Variants in MYO9B observed in about 807,000 individuals in gnomAD.
MYO9B encodes the protein unconventional myosin-IXb.
In MYO9B, 71 loss-of-function variants were observed where a neutral mutation model predicts 229.5. The ratio of observed to expected loss-of-function variants is 0.31; its 90% confidence interval spans 0.26 to 0.38. The LOEUF is 0.38. Ranked by LOEUF, MYO9B falls within the 10% of genes least tolerant of loss-of-function variation. The probability of loss-of-function intolerance (pLI) is 1.00; values close to 1 mark genes in which losing one functional copy is unlikely to be tolerated. For missense variants in MYO9B, 2,255 were observed against 2,920.5 expected, an observed-to-expected ratio of 0.77 and a Z score of 5.25; for synonymous variants, 1,185 against 1,235.8, an observed-to-expected ratio of 0.96 and a Z score of 0.86.
Position 17,156,942 on chromosome 19 carries a change from G to A in MYO9B, c.1233G>A (p.Leu411=), listed in dbSNP as rs2072543788. ...CCGTCCTCTCGGCCATCCTGTACCT[G>A]GGCAACGTCACTTATAAGAAGAGAG... ...IFAVLSAILY[L]GNVTYKKRAT... is the part of the protein sequence containing the mutation. Residue 411 remains leucine (L), a synonymous_variant, in exon 7 of 40, where the codon CTG becomes CTA. Transcript: ENST00000682292. 6.2e-7 allele frequency: 1 copy of A among 1,613,682 alleles called. No homozygotes were observed. The highest frequency in any genetic ancestry group is 8.5e-7 in the Non-Finnish European group (1 of 1,179,864).
chr19:17,121,130 A>T (rs572292365), intron 2 of MYO9B, among the ~76,000 whole-genome samples: 3 of 152,188 alleles, frequency 2.0e-5, no homozygotes, highest in African/African-American at 7.2e-5. Context: ...TTTAGTAGAG[A>T]TGGGGTTTTG....
In MYO9B at chr19:17,100,392, G is replaced by C. The variant is rs144526985; in HGVS notation, c.-58-1268G>C. ...GGAGGCTGAGGCAGAAGAATTGCTT[G>C]AACCCAGGCAGCAGAGGTTGCAGTG... On this transcript the variant is annotated intron_variant, in intron 1 of 39. Transcript: ENST00000682292. Among the ~76,000 whole-genome samples, 645 of 152,224 alleles carry C rather than the reference G, an allele frequency of 4.2e-3. 4 individuals are homozygous for C. The Middle Eastern group carries it at 0.051, about 12-fold the overall frequency.
intron 38 of MYO9B, 56 bp from the exon 39 acceptor site, chr19:17,211,591 C>G: frequency 6.7e-7 from 1 of 1,499,064 alleles, no homozygotes. Flanking sequence ...CTGTTCCACA[C>G]TGGCCCAGCA....
At chr19:17,162,936 G>C in intron 9 of MYO9B, 52 bp from the exon 10 acceptor site, 3 of 1,575,560 alleles carry the variant, frequency 1.9e-6, no homozygotes, top group East Asian at 2.3e-5. Flanking sequence ...ATGAAGGCTG[G>C]CTCCCTCGGG....
At chr19:17,135,784 G>A (rs565746857) in intron 2 of MYO9B, among the ~76,000 whole-genome samples, 2 of 152,238 alleles carry the variant, frequency 1.3e-5, no homozygotes, top group African/African-American at 2.4e-5. Context: ...ATCCCAAGGC[G>A]TTCCCTGTGT....
At position 17,200,361 on chromosome 19, in the gene MYO9B, A is replaced by C; in HGVS notation, c.4307A>C (p.Glu1436Ala). 6.2e-7 allele frequency: 1 copy of C among 1,610,170 alleles called. No individual in the cohort carries two copies. Among genetic ancestry groups the C allele is most frequent in the East Asian group, 2.2e-5 (1 of 44,814 alleles). Residue 1436 changes from glutamate (E) to alanine (A), a missense_variant, in exon 25 of 40, where the codon GAG becomes GCG. By Grantham distance (107) the Glu-to-Ala change is moderately radical. Coordinates refer to ENST00000682292, the MANE Select transcript of MYO9B (RefSeq NM_004145.4). ...AAATACAGCCTGGAGGGCGCAGAGG[A>C]GCTGGAGAATGCAGTGTCCGGGCAC... ...DKKYSLEGAE[E>A]LENAVSGHVV... is the part of the protein sequence containing the mutation.
intron 2 of MYO9B, among the ~76,000 whole-genome samples, chr19:17,143,333 A>G (rs948921175): frequency 2.0e-5 from 3 of 152,024 alleles, no homozygotes; most frequent in Non-Finnish European, 4.4e-5. Flanking sequence ...ACACCTCTGT[A>G]TTTTTCAGGT....
rs1166454802 is a variant in MYO9B at position 17,195,787 on chromosome 19, T to C, written c.4046+314T>C. On this transcript the variant is annotated intron_variant, in intron 22 of 39. Transcript: ENST00000682292. The surrounding 1 kb of genome is among the most constrained non-coding windows in gnomAD (Gnocchi z 4.5). Reference sequence around the variant, plus strand: ...TGCCCAGAAATCTTGGGCCTTGGTTTCTAATTGGTGAACAGGACTAACTGC... The same window carrying C: ...TGCCCAGAAATCTTGGGCCTTGGTTCCTAATTGGTGAACAGGACTAACTGC... Among the ~76,000 whole-genome samples, 1 of 152,108 alleles carries C rather than the reference T, an allele frequency of 6.6e-6. No individual in the cohort carries two copies. Among genetic ancestry groups the C allele is most frequent in the East Asian group, 1.9e-4 (1 of 5,172 alleles).
chr19:17,148,490 C>T (rs1023470374), intron 3 of MYO9B, among the ~76,000 whole-genome samples: 4 of 152,198 alleles, frequency 2.6e-5, no homozygotes, highest in African/African-American at 9.6e-5. Flanking sequence ...AAGATCCTGG[C>T]TACCTCCTCC....
At chr19:17,160,701 T>C (rs2072590609) in intron 8 of MYO9B, among the ~76,000 whole-genome samples, 1 of 151,290 alleles carries the variant, frequency 6.6e-6, no homozygotes, top group Non-Finnish European at 1.5e-5. Flanking sequence ...ATTTATTTAT[T>C]TATTTATTTT....
chr19:17,178,717 G>C (rs2072818830), intron 14 of MYO9B, among the ~76,000 whole-genome samples: 1 of 152,112 alleles, frequency 6.6e-6, no homozygotes, highest in Non-Finnish European at 1.5e-5. Context: ...TGAGTGCTTT[G>C]AGGGTAATTA....
chr19:17,200,838 A>ATGAT lies in MYO9B; in HGVS notation c.4563+9_4563+10insTGAT. The stretch of plus-strand genomic sequence containing the variant: ...AGTTCCTGCTCAACAAGGTGGGATC[A>ATGAT]CTAGGCGAGGGCCAGGGGCATGAGG... On this transcript the variant is annotated intron_variant, in intron 26 of 39. Transcript: ENST00000682292. 1 of 1,612,488 alleles carries ATGAT rather than the reference A, an allele frequency of 6.2e-7. No individual in the cohort carries two copies. The highest frequency in any genetic ancestry group is 1.1e-5 in the South Asian group (1 of 91,030).
chr19:17,206,749 C>T lies in MYO9B; in HGVS notation c.5457C>T (p.His1819=). 6.3e-7 allele frequency: 1 copy of T among 1,591,906 alleles called. No homozygotes were observed. Among genetic ancestry groups the T allele is most frequent in the Middle Eastern group, 1.7e-4 (1 of 6,048 alleles). Residue 1819 remains histidine (H), a synonymous_variant, in exon 34 of 40, where the codon CAC becomes CAT. Coordinates refer to ENST00000682292, the MANE Select transcript of MYO9B (RefSeq NM_004145.4). ...AVLEHLPEAN[H]NSLERLIFHL... is the part of the protein sequence containing the mutation. ...TGGAGCACCTTCCAGAAGCCAACCA[C>T]AACTCCCTGGAGAGACTCATCTTCC...
At chr19:17,077,503 C>G (rs2057496695) in intron 1 of MYO9B, among the ~76,000 whole-genome samples, 1 of 152,178 alleles carries the variant, frequency 6.6e-6, no homozygotes, top group Non-Finnish European at 1.5e-5. Context: ...GGACCGGGAT[C>G]TTCTGATCCC....
chr19:17,210,971 AC>A, intron 38 of MYO9B, 123 bp downstream of exon 38: 4 of 988,512 alleles, frequency 4.0e-6, no homozygotes, highest in Non-Finnish European at 4.3e-6. Flanking sequence ...CACTGGGCAA[AC>A]AACACTTTTT....
intron 35 of MYO9B, chr19:17,207,459 C>T: frequency 2.6e-6 from 1 of 383,182 alleles, no homozygotes; most frequent in Non-Finnish European, 4.5e-6. Context: ...ATAGCAAGAC[C>T]CTACAAAAAA....
At chr19:17,161,693 G>A (rs912709192) in intron 8 of MYO9B, among the ~76,000 whole-genome samples, 1 of 152,118 alleles carries the variant, frequency 6.6e-6, no homozygotes, top group African/African-American at 2.4e-5. Flanking sequence ...GTGCGTGCCT[G>A]TAATCCCAGC....
At chr19:17,158,200 C>G (rs773927670) in intron 7 of MYO9B, among the ~76,000 whole-genome samples, 3 of 152,214 alleles carry the variant, frequency 2.0e-5, no homozygotes, top group African/African-American at 4.8e-5. Context: ...TTATGCTTTG[C>G]GTTCCATTAT....
chr19:17,174,718 A>G (rs563361627), intron 13 of MYO9B, among the ~76,000 whole-genome samples: 87 of 152,142 alleles, frequency 5.7e-4, no homozygotes, highest in Non-Finnish European at 1.1e-3. Context: ...GTGGACCACG[A>G]GGTCAGGCGG....
Sources: allele counts gnomAD v4.1 joint callset (sites outside exome capture counted in the v4.1 genomes callset), GRCh38; gene constraint gnomAD v4.1.1; non-coding constraint Gnocchi (gnomAD v3.1); transcripts MANE v1.5; gene names NCBI Gene and HGNC (gene_info 2026-07-23, HGNC 2026-07-21).